The following KLHL2 variants were observed in gnomAD, a reference collection of about 807,000 sequenced individuals.
KLHL2 encodes kelch like family member 2, also known as kelch-like protein 2.
In KLHL2, 15 loss-of-function variants were observed where a neutral mutation model predicts 75.8. That is an observed-to-expected ratio of 0.20 (90% confidence interval 0.13 to 0.30). The LOEUF is 0.30. KLHL2 is among the 10% of genes least tolerant of loss of function. The probability of loss-of-function intolerance (pLI) is 1.00; values close to 1 mark genes in which losing one functional copy is unlikely to be tolerated. For synonymous variants in KLHL2, 214 were observed against 251.9 expected, an observed-to-expected ratio of 0.85 and a Z score of 1.42; for missense variants, 381 against 741.0, an observed-to-expected ratio of 0.51 and a Z score of 5.64.
rs768758846 is a variant in KLHL2, at chr4:165,294,401, A to G, written c.587A>G (p.Asn196Ser). 6.2e-6 allele frequency: 10 copies of G among 1,612,290 alleles called. No individual in the cohort carries two copies. The highest frequency in any genetic ancestry group is 3.3e-5 in the South Asian group (3 of 91,036). ...ADVVLSEEFL[N>S]LGIEQVCSLI... ...GTTGTACTTAGTGAAGAATTTCTCA[A>G]TCTTGGCATCGAACAAGTGTGCAGC... The change falls in exon 6 of 15, where the codon AAT becomes AGT. Residue 196 changes from asparagine (N) to serine (S), a missense_variant. Physicochemically the swap from Asn to Ser is conservative, Grantham distance 46. Transcript: ENST00000226725.
intron 5 of KLHL2, among the ~76,000 whole-genome samples, chr4:165,290,750 C>G (rs963274240): frequency 1.3e-5 from 2 of 152,082 alleles, no homozygotes; most frequent in East Asian, 3.9e-4. Flanking sequence ...GGAGGTTCAC[C>G]TGAGTCAGGA....
chr4:165,283,983 C>G (rs187491332), intron 5 of KLHL2, among the ~76,000 whole-genome samples: 2 of 152,340 alleles, frequency 1.3e-5, no homozygotes, highest in East Asian at 3.9e-4. Context: ...TCTATGTTGG[C>G]CCCTTTCAGC....
At chr4:165,258,047 C>G (rs1239094427) in intron 4 of KLHL2, among the ~76,000 whole-genome samples, 1 of 152,026 alleles carries the variant, frequency 6.6e-6, no homozygotes, top group Non-Finnish European at 1.5e-5. Flanking sequence ...TGGAATAGAA[C>G]TAAAGGAGAA....
At chr4:165,224,826 G>A (rs988108974) in intron 2 of KLHL2, among the ~76,000 whole-genome samples, 3 of 152,088 alleles carry the variant, frequency 2.0e-5, no homozygotes, top group African/African-American at 7.2e-5. Flanking sequence ...ATGACCTCAA[G>A]CATTTATCCT....
chr4:165,260,577 T>TGG (rs549742797), intron 4 of KLHL2, among the ~76,000 whole-genome samples: 37 of 148,242 alleles, frequency 2.5e-4, no homozygotes, highest in African/African-American at 7.6e-4. Context: ...TGTGTGTGTG[T>TGG]GGGGGGGGTG....
intron 8 of KLHL2, among the ~76,000 whole-genome samples, chr4:165,303,737 AT>A (rs1416856466): frequency 6.7e-6 from 1 of 149,836 alleles, no homozygotes; most frequent in Non-Finnish European, 1.5e-5. Context: ...TAATTTTTGT[AT>A]TTTTGGTAGA....
intron 5 of KLHL2, among the ~76,000 whole-genome samples, chr4:165,263,888 A>T (rs974833383): frequency 6.9e-6 from 1 of 144,950 alleles, no homozygotes; most frequent in Non-Finnish European, 1.5e-5. Context: ...AAATATAGAT[A>T]CATTTGGTGG....
In KLHL2 at chr4:165,219,702, C is replaced by T. The variant is rs188091394; in HGVS notation, c.27-232C>T. 2,268 of 1,273,066 alleles carry T rather than the reference C, an allele frequency of 1.8e-3. 24 individuals are homozygous for T. Among genetic ancestry groups the T allele is most frequent in the Middle Eastern group, 7.0e-3 (23 of 3,294 alleles). The allele number at this position is 1,273,066 out of a possible 1,614,324, so 78.9% of individuals were successfully genotyped here. A position where few individuals can be genotyped will look rare whatever the true frequency, so the allele number is the denominator to read the frequency against. ...CTGAATATTCTGTGTTGATCTTTGA[C>T]GGAACTTGGACACCAGGGAGGTAAT... On this transcript the variant is annotated intron_variant, in intron 1 of 14. Coordinates refer to ENST00000226725, the MANE Select transcript of KLHL2 (RefSeq NM_007246.4).
At chr4:165,286,428 T>G (rs2126450899) in intron 5 of KLHL2, among the ~76,000 whole-genome samples, 1 of 152,192 alleles carries the variant, frequency 6.6e-6, no homozygotes, top group South Asian at 2.1e-4. Flanking sequence ...ATACATTAGA[T>G]AGTTAAGACA....
intron 8 of KLHL2, among the ~76,000 whole-genome samples, chr4:165,303,751 C>T (rs1046443623): frequency 6.6e-5 from 10 of 151,210 alleles, no homozygotes; most frequent in Non-Finnish European, 8.8e-5. Flanking sequence ...TTGGTAGAGA[C>T]GGGGTTTCGC....
chr4:165,311,457 A>G lies in KLHL2; in HGVS notation c.1238-7A>G. The G allele has an allele frequency of 5.0e-6, 8 of 1,592,186 alleles. No individual in the cohort carries two copies. Among genetic ancestry groups the G allele is most frequent in the Non-Finnish European group, 6.9e-6 (8 of 1,162,240 alleles). ...AAGGAAATGAAGACTATTGTGCTTT[A>G]TTATAGGTTTGTCATCTGTGGAAGC... On this transcript the variant is annotated splice_polypyrimidine_tract_variant and splice_region_variant and intron_variant, in intron 10 of 14. Coordinates refer to ENST00000226725, the MANE Select transcript of KLHL2 (RefSeq NM_007246.4).
intron 2 of KLHL2, among the ~76,000 whole-genome samples, chr4:165,224,938 T>C (rs1738316519): frequency 6.6e-6 from 1 of 152,228 alleles, no homozygotes; most frequent in Admixed American, 6.5e-5. Context: ...TATTTTACTT[T>C]TAAGAAGATA....
chr4:165,275,370 T>C (rs1743002055), intron 5 of KLHL2, among the ~76,000 whole-genome samples: 1 of 152,106 alleles, frequency 6.6e-6, no homozygotes, highest in African/African-American at 2.4e-5. Context: ...AACTCATTGG[T>C]TTAGATGCAT....
chr4:165,262,725 C>T (rs7678224), intron 4 of KLHL2, among the ~76,000 whole-genome samples: 1,812 of 152,070 alleles, frequency 0.012, 32 homozygotes, highest in African/African-American at 0.039. Flanking sequence ...ACTACAGTTG[C>T]GTGCCACCAC....
intron 9 of KLHL2, among the ~76,000 whole-genome samples, chr4:165,310,198 G>A (rs1046963006): frequency 1.1e-4 from 16 of 152,122 alleles, no homozygotes; most frequent in East Asian, 3.9e-4. Flanking sequence ...GGTGGCGGGC[G>A]CCTGTAGTCC....
intron 4 of KLHL2, among the ~76,000 whole-genome samples, chr4:165,247,805 A>G (rs1461596106): frequency 6.6e-6 from 1 of 152,200 alleles, no homozygotes; most frequent in Non-Finnish European, 1.5e-5. Flanking sequence ...TTGTCTTGCA[A>G]AGGATGAAGA....
intron 4 of KLHL2, among the ~76,000 whole-genome samples, chr4:165,250,878 C>T (rs933843737): frequency 2.0e-5 from 3 of 152,106 alleles, no homozygotes; most frequent in Non-Finnish European, 2.9e-5. Flanking sequence ...TTCTCTCCCT[C>T]TTGTGCATTT....
intron 4 of KLHL2, among the ~76,000 whole-genome samples, chr4:165,243,735 A>G (rs1344846274): frequency 1.3e-5 from 2 of 152,228 alleles, no homozygotes; most frequent in Non-Finnish European, 2.9e-5. Context: ...CACAACTGCT[A>G]GGAGTATGCT....
intron 5 of KLHL2, among the ~76,000 whole-genome samples, chr4:165,269,103 A>C (rs1326468575): frequency 2.6e-5 from 4 of 151,798 alleles, no homozygotes; most frequent in African/African-American, 9.7e-5. Flanking sequence ...GTTGGTTTAA[A>C]GTCTGTTTTA....
Sources: gnomAD v4.1 joint callset for allele counts (sites outside exome capture counted in the v4.1 genomes callset) on GRCh38, gnomAD v4.1.1 for gene constraint, MANE v1.5 for transcripts, NCBI Gene and HGNC (gene_info 2026-07-23, HGNC 2026-07-21) for gene names.